DAB1: variants seen among roughly 807,000 people sequenced by gnomAD.
The protein encoded by DAB1 is DAB adaptor protein 1.
DAB1 carries 15 observed loss-of-function variants against 64.6 expected under a neutral mutation model. That is an observed-to-expected ratio of 0.23 (90% CI 0.16 to 0.36). The LOEUF (loss-of-function observed/expected upper bound fraction) is 0.36, where lower values mean the gene tolerates loss of function less well. DAB1 is among the 10% of genes least tolerant of loss of function. The pLI, the probability that DAB1 is intolerant of heterozygous loss-of-function variation, is 1.00. For missense variants in DAB1, 596 were observed against 706.7 expected (o/e 0.84, Z 1.78); for synonymous variants, 235 against 251.9 (o/e 0.93, Z 0.64).
intron 3 of DAB1, among the ~76,000 whole-genome samples, chr1:58,487,058 T>C (rs536830786): frequency 6.6e-5 from 10 of 152,314 alleles, no homozygotes; most frequent in East Asian, 5.8e-4. Flanking sequence ...TGGCTACATA[T>C]TGAAAATAGG....
In DAB1 at chr1:58,291,464, T is replaced by C. The variant is rs898839516; in HGVS notation, n.309+51888A>G. On this transcript the variant is annotated intron_variant and non_coding_transcript_variant, in intron 4 of 20. Transcript: ENST00000485760. ...TAAAGTGTAAGTGGCTGCTAAAACA[T>C]AAAGAGTTGTCTCTCACAGGAAAGT... 7.9e-5 allele frequency among the ~76,000 whole-genome samples: 12 copies of C among 152,174 alleles called. No individual in the cohort carries two copies. The South Asian group carries it at 1.2e-3, about 16-fold the overall frequency.
intron 9 of DAB1, among the ~76,000 whole-genome samples, chr1:57,026,299 TA>T (rs1169113175): frequency 6.6e-6 from 1 of 152,196 alleles, no homozygotes; most frequent in African/African-American, 2.4e-5. Context: ...TCACTTCCCA[TA>T]AGCAGTAATA....
At chr1:57,673,458 G>C (rs773352891) in intron 6 of DAB1, among the ~76,000 whole-genome samples, 10 of 152,210 alleles carry the variant, frequency 6.6e-5, no homozygotes, top group Middle Eastern at 3.4e-3. Context: ...CTGTGAATGA[G>C]AGTTTGGCAG....
intron 5 of DAB1, among the ~76,000 whole-genome samples, chr1:58,100,525 T>C (rs897869982): frequency 3.3e-5 from 5 of 152,206 alleles, no homozygotes; most frequent in African/African-American, 1.2e-4. Context: ...TCTGTGAACA[T>C]GTGTGTACGC....
chr1:57,320,201 G>A lies in DAB1; in HGVS notation c.-136-29035C>T, dbSNP rs183021537. Among the ~76,000 whole-genome samples, 14 of 152,280 alleles carry A rather than the reference G, an allele frequency of 9.2e-5. No individual in the cohort carries two copies. The East Asian group carries it at 2.7e-3, about 29-fold the overall frequency. ...GGGGGGTGCCAGCAAGGTCCCAGAA[G>A]GTGCCTGCTTCCCCTTTGCCTTATG... On this transcript the variant is annotated intron_variant, in intron 1 of 14. Coordinates refer to ENST00000371236, the MANE Select transcript of DAB1 (RefSeq NM_001365792.1).
intron 2 of DAB1, among the ~76,000 whole-genome samples, chr1:57,149,370 T>C (rs988567227): frequency 4.6e-5 from 7 of 152,348 alleles, no homozygotes; most frequent in Non-Finnish European, 7.4e-5. Context: ...CATCATATGG[T>C]AACTCTATAT....
At chr1:58,538,952 C>G (rs1344932075) in intron 1 of DAB1, 3 of 872,890 alleles carry the variant, frequency 3.4e-6, no homozygotes, top group Admixed American at 1.7e-5. Context: ...CTAGGGACTG[C>G]TGTAACTTCT....
intron 7 of DAB1, among the ~76,000 whole-genome samples, chr1:57,456,876 C>T (rs969049322): frequency 8.5e-5 from 13 of 152,068 alleles, no homozygotes; most frequent in African/African-American, 2.9e-4. Flanking sequence ...AAACTGGACC[C>T]ATTTTTGAAA....
chr1:57,332,481 G>C (rs1275853733), intron 1 of DAB1, among the ~76,000 whole-genome samples: 1 of 152,164 alleles, frequency 6.6e-6, no homozygotes, highest in East Asian at 1.9e-4. Flanking sequence ...AGTTTCGGTA[G>C]AGTAATCATT....
At chr1:58,451,222 G>C (rs1569814673) in intron 3 of DAB1, among the ~76,000 whole-genome samples, 1 of 152,132 alleles carries the variant, frequency 6.6e-6, no homozygotes, top group South Asian at 2.1e-4. Context: ...CCCAAGTAGA[G>C]GGGACGGTAG....
Position 58,297,996 on chromosome 1 carries a change from A to G in DAB1, n.309+45356T>C, listed in dbSNP as rs116385390. On this transcript the variant is annotated intron_variant and non_coding_transcript_variant, in intron 4 of 20. Coordinates refer to the DAB1 transcript ENST00000485760. ...ATTGTCAGATCAACCAGATGACCCTAAAAGCGCTTTCAAGTAAAGTATTAT... is the reference window on the plus strand; with the variant it reads ...ATTGTCAGATCAACCAGATGACCCTGAAAGCGCTTTCAAGTAAAGTATTAT... Among the ~76,000 whole-genome samples the G allele has an allele frequency of 1.8e-3, 280 of 152,248 alleles. 3 individuals are homozygous for G. The highest frequency in any genetic ancestry group is 6.5e-3 in the African/African-American group (271 of 41,562).
At position 58,031,989 on chromosome 1, in the gene DAB1, C is replaced by CGTGTGTGTGT. The variant is rs59449665; in HGVS notation, n.387+118512_387+118521dup. Among the ~76,000 whole-genome samples, 864 of 141,946 alleles carry CGTGTGTGTGT rather than the reference C, an allele frequency of 6.1e-3. 2 individuals carry two copies. The highest frequency in any genetic ancestry group is 9.3e-3 in the African/African-American group (349 of 37,582). 93.1% of individuals were successfully genotyped at this position (141,946 alleles called of 152,430 possible). ...TCACAGCTGCAAGTACTGATAGAAA[C>CGTGTGTGTGT]GTGTGTGTGTGTGTGTGTGTGTGTG... On this transcript the variant is annotated intron_variant and non_coding_transcript_variant, in intron 5 of 20. Transcript: ENST00000485760.
chr1:57,120,682 AG>A (rs1656557807), intron 4 of DAB1, among the ~76,000 whole-genome samples: 1 of 152,206 alleles, frequency 6.6e-6, no homozygotes, highest in Non-Finnish European at 1.5e-5. Flanking sequence ...TGACTACCAT[AG>A]GAACCTCATA....
chr1:58,405,032 A>C (rs1644603176), intron 3 of DAB1, among the ~76,000 whole-genome samples: 1 of 152,128 alleles, frequency 6.6e-6, no homozygotes, highest in South Asian at 2.1e-4. Context: ...CACCATTCAC[A>C]CACACCATCA....
intron 6 of DAB1, among the ~76,000 whole-genome samples, chr1:57,798,344 A>T (rs761719970): frequency 3.3e-5 from 5 of 152,208 alleles, no homozygotes; most frequent in Non-Finnish European, 7.4e-5. Flanking sequence ...GTTCTGGTCT[A>T]TGGACAACTT....
intron 4 of DAB1, among the ~76,000 whole-genome samples, chr1:58,245,060 G>GT (rs1660468946): frequency 6.6e-6 from 1 of 152,174 alleles, no homozygotes; most frequent in Non-Finnish European, 1.5e-5. Flanking sequence ...GCTCACCAAA[G>GT]TATCAAGAGA....
chr1:57,431,154 A>G (rs1278588522), intron 7 of DAB1, among the ~76,000 whole-genome samples: 9 of 151,724 alleles, frequency 5.9e-5, no homozygotes, highest in Non-Finnish European at 1.2e-4. Context: ...AAAAAAAAAA[A>G]AAAGAAAAAC....
At chr1:57,835,354 T>C (rs955470693) in intron 1 of DAB1, among the ~76,000 whole-genome samples, 1 of 152,228 alleles carries the variant, frequency 6.6e-6, no homozygotes, top group African/African-American at 2.4e-5. Context: ...TTAGCTATCA[T>C]CAACCCTGTT....
At chr1:58,506,243 C>T in intron 2 of DAB1, 1 of 841,582 alleles carries the variant, frequency 1.2e-6, no homozygotes, top group Non-Finnish European at 2.1e-6. Context: ...ACACAATGAG[C>T]TCAGTTTTGA....
Sources: gnomAD v4.1 joint callset for allele counts (sites outside exome capture counted in the v4.1 genomes callset) on GRCh38, gnomAD v4.1.1 for gene constraint, MANE v1.5 for transcripts, NCBI Gene and HGNC (gene_info 2026-07-23, HGNC 2026-07-21) for gene names.